CLCN5: variants seen among roughly 807,000 people sequenced by gnomAD.
The protein encoded by CLCN5 is Cl-/H+ antiporter 5.
In CLCN5, 17 loss-of-function variants were observed where a neutral mutation model predicts 54.0. The observed-to-expected ratio is 0.31, with a 90% CI of 0.22 to 0.47. The LOEUF is 0.47. Ranked by LOEUF, CLCN5 falls within the 20% of genes least tolerant of loss-of-function variation. CLCN5 has a pLI of 1.00. For missense variants in CLCN5, 448 were observed against 646.7 expected (o/e 0.69, Z 3.33); for synonymous variants, 222 against 233.0 (o/e 0.95, Z 0.43).
At chrX:50,028,562 A>G (rs1248987866) in intron 3 of CLCN5, among the ~76,000 whole-genome samples, 4 of 111,722 alleles carry the variant, frequency 3.6e-5, no homozygotes, top group Non-Finnish European at 7.5e-5. Flanking sequence ...CATGTAAGCT[A>G]TGAGTCTGTA....
At chrX:50,081,327 G>C (rs782132248) in intron 8 of CLCN5, among the ~76,000 whole-genome samples, 1 of 109,983 alleles carries the variant, frequency 9.1e-6, no homozygotes, top group Non-Finnish European at 1.9e-5. Context: ...GGGCTACCAC[G>C]TTGTAACATG....
chrX:49,957,322 A>G (rs1316992179), intron 3 of CLCN5, among the ~76,000 whole-genome samples: 7 of 111,457 alleles, frequency 6.3e-5, no homozygotes, highest in African/African-American at 2.0e-4. Context: ...AAAAATACAT[A>G]CCTTGTTAAT....
chrX:49,970,254 C>A (rs947869678), intron 3 of CLCN5, among the ~76,000 whole-genome samples: 2 of 111,681 alleles, frequency 1.8e-5, no homozygotes, highest in Non-Finnish European at 3.8e-5. Context: ...TACTTCAAAG[C>A]AGCTTTATTT....
chrX:50,092,252 A>G lies in CLCN5; in HGVS notation c.*33A>G, dbSNP rs1557194921. ...GAGTTCTGGATGTAAAGCGGGAAGG[A>G]CATTACAGACCATGGATATGTTGTA... On this transcript the variant is annotated 3_prime_UTR_variant, in exon 15 of 15. Transcript: ENST00000376091. 7.2e-6 allele frequency: 7 copies of G among 972,761 alleles called. No homozygotes were observed. Among genetic ancestry groups the G allele is most frequent in the Admixed American group, 2.2e-5 (1 of 45,397 alleles). 80.2% of individuals were successfully genotyped at this position (972,761 alleles called of 1,213,427 possible).
At chrX:50,045,820 C>A (rs1418714505) in intron 4 of CLCN5, among the ~76,000 whole-genome samples, 12 of 112,160 alleles carry the variant, frequency 1.1e-4, no homozygotes, top group African/African-American at 3.9e-4. Flanking sequence ...GCTTTGCTTT[C>A]TAATTGCTCT....
intron 3 of CLCN5, among the ~76,000 whole-genome samples, chrX:50,016,446 A>G (rs1930793800): frequency 9.1e-6 from 1 of 110,494 alleles, no homozygotes; most frequent in African/African-American, 3.3e-5. Flanking sequence ...GAGACACCCC[A>G]GTTTCCGCTA....
intron 3 of CLCN5, among the ~76,000 whole-genome samples, chrX:50,032,644 C>T (rs1208685442): frequency 1.8e-5 from 2 of 108,118 alleles, no homozygotes; most frequent in Non-Finnish European, 3.8e-5. Context: ...GAGTAGGTTG[C>T]GAAAATTTTC....
intron 3 of CLCN5, among the ~76,000 whole-genome samples, chrX:50,001,213 C>T (rs964992309): frequency 9.0e-6 from 1 of 110,925 alleles, no homozygotes; most frequent in Non-Finnish European, 1.9e-5. Flanking sequence ...TGACAGTGCT[C>T]CTGCAATTGA....
At chrX:50,072,622 C>T (rs782188853) in intron 6 of CLCN5, 34 bp downstream of exon 6, 16 of 1,048,027 alleles carry the variant, frequency 1.5e-5, no homozygotes, top group African/African-American at 1.9e-5. Context: ...AAACAAATCT[C>T]CTAAAATTGT....
intron 3 of CLCN5, among the ~76,000 whole-genome samples, chrX:49,966,615 TTTTTA>T (rs2147315324): frequency 1.3e-4 from 4 of 31,866 alleles, no homozygotes; most frequent in Non-Finnish European, 2.0e-4. Context: ...TTTTTTTATT[TTTTTA>T]TTTTTTTTAT....
At position 50,086,881 on chromosome X, in the gene CLCN5, C is replaced by T. The variant is rs782587958; in HGVS notation, c.1557+11C>T. 1 of 1,205,846 alleles carries T rather than the reference C, an allele frequency of 8.3e-7. No homozygotes were observed. Among genetic ancestry groups the T allele is most frequent in the South Asian group, 1.8e-5 (1 of 56,794 alleles). On this transcript the variant is annotated intron_variant, in intron 11 of 14. Transcript: ENST00000376091. ...ACCTTTGGCATGAAGGTGAGGAATT[C>T]TTTTGGGACTCAGTGGCTGCATGCG...
chrX:50,078,696 G>A (rs1358272598), intron 7 of CLCN5, among the ~76,000 whole-genome samples: 1 of 112,983 alleles, frequency 8.9e-6, no homozygotes, highest in African/African-American at 3.2e-5. Flanking sequence ...ATAGCTGTAT[G>A]TGTGTAAGCA....
At position 50,018,752 on chromosome X, in the gene CLCN5, C is replaced by T. The variant is rs182608420; in HGVS notation, c.17-23564C>T. Among the ~76,000 whole-genome samples, 51 of 112,190 alleles carry T rather than the reference C, an allele frequency of 4.5e-4. 1 individual carries two copies. Among genetic ancestry groups the T allele is most frequent in the African/African-American group, 1.3e-3 (40 of 31,017 alleles). On this transcript the variant is annotated intron_variant, in intron 3 of 14. Transcript: ENST00000376091. ...TTAAGCCTGTTAATATGCTAGATTA[C>T]GCTAATTTATTTTTGAATGTTGAAC... is the stretch of plus-strand genomic sequence containing the variant.
At chrX:49,978,106 G>A (rs1389519795) in intron 3 of CLCN5, among the ~76,000 whole-genome samples, 2 of 111,638 alleles carry the variant, frequency 1.8e-5, no homozygotes, top group African/African-American at 6.5e-5. Context: ...TCTGAGGGAA[G>A]TAGGTTTAAG....
chrX:50,091,753 A>G (rs1934106809), intron 14 of CLCN5, among the ~76,000 whole-genome samples: 1 of 112,429 alleles, frequency 8.9e-6, no homozygotes, highest in Non-Finnish European at 1.9e-5. Flanking sequence ...GGAGGCCTGC[A>G]AAGAATGTGC....
rs1301172984 is a variant in CLCN5, at chrX:49,933,082, G to A, written c.16+7768G>A. Among the ~76,000 whole-genome samples the A allele has an allele frequency of 7.2e-5, 8 of 110,918 alleles. No homozygotes were observed. The East Asian group carries it at 2.0e-3, about 27-fold the overall frequency. On this transcript the variant is annotated intron_variant, in intron 3 of 14. Coordinates refer to ENST00000376091, the MANE Select transcript of CLCN5 (RefSeq NM_001127898.4). ...AGCCATCTGGTCCTGCTTGTTGACC[G>A]AAACAAAAGTAGGTAACTCTTGAAA...
chrX:49,941,581 C>A (rs1163506799), intron 3 of CLCN5, among the ~76,000 whole-genome samples: 1 of 110,447 alleles, frequency 9.1e-6, no homozygotes, highest in Non-Finnish European at 1.9e-5. Flanking sequence ...CAAGCTGAGG[C>A]CAGTTCTAAC....
At position 50,051,187 on chromosome X, in the gene CLCN5, A is replaced by G. The variant is rs781894463; in HGVS notation, c.163+8725A>G. On this transcript the variant is annotated intron_variant, in intron 4 of 14. Coordinates refer to ENST00000376091, the MANE Select transcript of CLCN5 (RefSeq NM_001127898.4). ...TTTAGGTCAATGGTACATTTTGTGT[A>G]AATTTTTATAAAAGGAGGAAAGTCT... Among the ~76,000 whole-genome samples the G allele has an allele frequency of 2.7e-5, 3 of 112,154 alleles. No homozygotes were observed. In the East Asian group the frequency reaches 8.4e-4, roughly 31 times the overall value.
intron 11 of CLCN5, 34 bp downstream of exon 11, chrX:50,086,904 G>A (rs1557194100): frequency 8.5e-7 from 1 of 1,176,398 alleles, no homozygotes. Context: ...GTGGCTGCAT[G>A]CGTAGCTGTG....
Sources: allele counts gnomAD v4.1 joint callset (sites outside exome capture counted in the v4.1 genomes callset), GRCh38; gene constraint gnomAD v4.1.1; transcripts MANE v1.5; gene names NCBI Gene and HGNC (gene_info 2026-07-23, HGNC 2026-07-21).